The following ATP2B1 variants were observed in gnomAD, a reference collection of about 807,000 sequenced individuals.
The protein encoded by ATP2B1 is plasma membrane calcium-transporting ATPase 1.
ATP2B1 carries 14 observed loss-of-function variants against 124.2 expected under a neutral mutation model. That is an observed-to-expected ratio of 0.11 (90% CI 0.07 to 0.18). The LOEUF (loss-of-function observed/expected upper bound fraction) is 0.18. Among genes scored for constraint, ATP2B1 ranks in the 10% least tolerant of loss-of-function variants. ATP2B1 has a pLI of 1.00. For synonymous variants in ATP2B1, 449 were observed against 492.4 expected (o/e 0.91, Z 1.17); for missense variants, 763 against 1,466.1 (o/e 0.52, Z 7.83).
chr12:89,621,814 A>AG (rs397816492), intron 9 of ATP2B1, 23 bp from the exon 10 acceptor site: 1 of 1,518,018 alleles, frequency 6.6e-7, no homozygotes, highest in South Asian at 1.3e-5. Flanking sequence ...AAAAAAAAAA[A>AG]CTAGTTAAGC....
At chr12:89,620,878 C>T (rs923398380) in intron 10 of ATP2B1, among the ~76,000 whole-genome samples, 1 of 152,114 alleles carries the variant, frequency 6.6e-6, no homozygotes, top group Non-Finnish European at 1.5e-5. Context: ...CATAACTTTC[C>T]AATGTAATCA....
intron 2 of ATP2B1, among the ~76,000 whole-genome samples, chr12:89,655,308 C>A (rs1022605213): frequency 6.6e-6 from 1 of 152,056 alleles, no homozygotes; most frequent in Non-Finnish European, 1.5e-5. Context: ...TTTAAGCCAC[C>A]CAGCAAAATG....
Position 89,603,989 on chromosome 12 carries a change from A to C in ATP2B1, c.2635-64T>G. The C allele has an allele frequency of 6.5e-7, 1 of 1,533,730 alleles. No individual in the cohort carries two copies. Among genetic ancestry groups the C allele is most frequent in the African/African-American group, 1.4e-5 (1 of 72,132 alleles). On this transcript the variant is annotated intron_variant, in intron 16 of 20. Coordinates refer to ENST00000428670, the MANE Select transcript of ATP2B1 (RefSeq NM_001366521.1). This position sits in a 1 kb window ranked among gnomAD's most constrained non-coding sequence, Gnocchi z 4.3. The stretch of plus-strand genomic sequence containing the variant: ...CTCAGGGGCTCAGCAATTCTCAGGA[A>C]ACCTTTAGGGTTTAAAAACTTGAGA...
At chr12:89,623,159 G>T (rs1187278906) in intron 9 of ATP2B1, among the ~76,000 whole-genome samples, 1 of 151,994 alleles carries the variant, frequency 6.6e-6, no homozygotes, top group African/African-American at 2.4e-5. Flanking sequence ...ATCAAGACAG[G>T]TCTAATAATG....
intron 1 of ATP2B1, among the ~76,000 whole-genome samples, chr12:89,700,099 CT>C (rs1891658289): frequency 6.6e-6 from 1 of 151,356 alleles, no homozygotes; most frequent in Non-Finnish European, 1.5e-5. Context: ...AGCAATCCTC[CT>C]GCTTCAGTCT....
rs1005825513 is a variant in ATP2B1 at position 89,589,436 on chromosome 12, T to C, written c.*1548A>G. 14 of 152,186 alleles carry C rather than the reference T, an allele frequency of 9.2e-5. No homozygotes were observed. The highest frequency in any genetic ancestry group is 5.9e-5 in the Non-Finnish European group (4 of 68,010). The allele number at this position is 152,186 out of a possible 1,614,324, so 9.4% of individuals were successfully genotyped here. On this transcript the variant is annotated 3_prime_UTR_variant, in exon 21 of 21. Transcript: ENST00000428670. Reference sequence around the variant, plus strand: ...GGGCATTCTAGCATATGGTTAATTATTGCATCTAAATATATCATTTTAGAA... The same window carrying C: ...GGGCATTCTAGCATATGGTTAATTACTGCATCTAAATATATCATTTTAGAA...
At chr12:89,688,143 G>C (rs1355112551) in intron 1 of ATP2B1, among the ~76,000 whole-genome samples, 1 of 151,976 alleles carries the variant, frequency 6.6e-6, no homozygotes, top group East Asian at 1.9e-4. Flanking sequence ...CAGCAGGCAG[G>C]AATCTAACCC....
chr12:89,697,064 C>CAAA (rs59301153), intron 1 of ATP2B1, among the ~76,000 whole-genome samples: 13 of 114,258 alleles, frequency 1.1e-4, no homozygotes, highest in African/African-American at 4.2e-4. Context: ...CTACTTCCTT[C>CAAA]AAAAAAAAAA....
At chr12:89,627,755 A>G in intron 6 of ATP2B1, 39 bp from the exon 7 acceptor site, 1 of 1,593,038 alleles carries the variant, frequency 6.3e-7, no homozygotes, top group Non-Finnish European at 8.6e-7. Context: ...TTCCAAAAGA[A>G]ATGAATACAG....
chr12:89,672,775 T>C (rs1182127253), intron 1 of ATP2B1, among the ~76,000 whole-genome samples: 2 of 152,188 alleles, frequency 1.3e-5, no homozygotes, highest in Non-Finnish European at 2.9e-5. Context: ...TGACTATAGA[T>C]TTATATTTAT....
intron 1 of ATP2B1, among the ~76,000 whole-genome samples, chr12:89,707,187 G>A (rs1892565826): frequency 6.6e-6 from 1 of 152,130 alleles, no homozygotes; most frequent in African/African-American, 2.4e-5. Context: ...AGGACAGGGA[G>A]TCTCGGGAAG....
At chr12:89,682,351 T>C (rs1889455892) in intron 1 of ATP2B1, among the ~76,000 whole-genome samples, 1 of 152,160 alleles carries the variant, frequency 6.6e-6, no homozygotes, top group South Asian at 2.1e-4. Context: ...AACAAGCTGG[T>C]GTTTAGTTTA....
chr12:89,604,517 C>T (rs1473564363), intron 15 of ATP2B1, among the ~76,000 whole-genome samples, 171 bp from the exon 16 acceptor site: 1 of 152,062 alleles, frequency 6.6e-6, no homozygotes, highest in African/African-American at 2.4e-5. Flanking sequence ...CTAGGAAAGA[C>T]ATTCTGGTTT....
intron 1 of ATP2B1, among the ~76,000 whole-genome samples, chr12:89,671,737 C>T (rs958592321): frequency 6.7e-6 from 1 of 149,906 alleles, no homozygotes; most frequent in Non-Finnish European, 1.5e-5. Context: ...AGAGAATGTG[C>T]TAGCCAAGAC....
At position 89,664,279 on chromosome 12, in the gene ATP2B1, G is replaced by A. The variant is rs184967310; in HGVS notation, c.-221-8172C>T. ...CTGGGGCTGTTAGATAACTATTTTG[G>A]CTTTTGATAGCTGTCATTTTCAGTA... is the stretch of plus-strand genomic sequence containing the variant. On this transcript the variant is annotated intron_variant, in intron 1 of 20. Transcript: ENST00000428670. Among the ~76,000 whole-genome samples the A allele has an allele frequency of 2.0e-5, 3 of 152,272 alleles. No individual in the cohort carries two copies. In the East Asian group the frequency reaches 5.8e-4, roughly 29 times the overall value.
At chr12:89,703,140 T>C (rs183241580) in intron 1 of ATP2B1, among the ~76,000 whole-genome samples, 42 of 152,280 alleles carry the variant, frequency 2.8e-4, no homozygotes, top group African/African-American at 8.9e-4. Context: ...TATTATAAAA[T>C]ATATTTTAAA....
At chr12:89,704,082 A>G (rs1480275844) in intron 1 of ATP2B1, among the ~76,000 whole-genome samples, 1 of 152,222 alleles carries the variant, frequency 6.6e-6, no homozygotes, top group African/African-American at 2.4e-5. Flanking sequence ...AACCTTTTAA[A>G]CTAAATTTCA....
chr12:89,623,757 A>T (rs940051697), intron 9 of ATP2B1, among the ~76,000 whole-genome samples: 3 of 152,192 alleles, frequency 2.0e-5, no homozygotes, highest in Non-Finnish European at 2.9e-5. Flanking sequence ...TTTGCATTTT[A>T]CTCTAATTGT....
intron 9 of ATP2B1, among the ~76,000 whole-genome samples, chr12:89,622,202 CTTA>C (rs1272877557): frequency 6.6e-6 from 1 of 151,878 alleles, no homozygotes; most frequent in Non-Finnish European, 1.5e-5. Context: ...ATTAAGCCTC[CTTA>C]TTAAGTGGAA....
Sources: allele counts gnomAD v4.1 joint callset (sites outside exome capture counted in the v4.1 genomes callset), GRCh38; gene constraint gnomAD v4.1.1; non-coding constraint Gnocchi (gnomAD v3.1); transcripts MANE v1.5; gene names NCBI Gene and HGNC (gene_info 2026-07-23, HGNC 2026-07-21).